Variants in INSYN2A observed in about 807,000 individuals in gnomAD.
The protein encoded by INSYN2A is inhibitory synaptic factor 2A.
A neutral mutation model predicts 39.4 loss-of-function variants in INSYN2A; 17 were observed. The observed-to-expected ratio is 0.43, with a 90% confidence interval of 0.30 to 0.65. INSYN2A has a LOEUF of 0.65. Among genes scored for constraint, INSYN2A ranks in the 30% least tolerant of loss-of-function variants. The probability of loss-of-function intolerance (pLI) is 0.14; values close to 1 mark genes in which losing one functional copy is unlikely to be tolerated. For synonymous variants in INSYN2A, 255 were observed against 265.7 expected (o/e 0.96, Z 0.39); for missense variants, 595 against 631.2 (o/e 0.94, Z 0.61).
Position 127,175,248 on chromosome 10 carries a change from A to G in INSYN2A, c.1148T>C (p.Ile383Thr), listed in dbSNP as rs1302599397. The G allele has an allele frequency of 6.2e-7, 1 of 1,614,068 alleles. No individual in the cohort carries two copies. Among genetic ancestry groups the G allele is most frequent in the Non-Finnish European group, 8.5e-7 (1 of 1,180,002 alleles). ...GGCCTCTCCTTTTTCCAACTCCTGAATGACCCCCAAGAGCACTTTGATGGT... is the reference window on the plus strand; with the variant it reads ...GGCCTCTCCTTTTTCCAACTCCTGAGTGACCCCCAAGAGCACTTTGATGGT... ...QETIKVLLGV[I>T]QELEKGEAHR... Residue 383 changes from isoleucine to threonine, a missense_variant, in exon 4 of 6, where the codon ATT becomes ACT. Ile to Thr is a moderately conservative substitution (Grantham distance 89). Around this residue, in one of 2 missense-constraint regions of INSYN2A, gnomAD observed 117 missense variants for 163.8 expected, o/e 0.71. Coordinates refer to ENST00000522781, the MANE Select transcript of INSYN2A (RefSeq NM_001039762.3). This position sits in a 1 kb window ranked among gnomAD's most constrained non-coding sequence, Gnocchi z 6.3.
At chr10:127,181,664 T>C (rs1223496663) in intron 2 of INSYN2A, among the ~76,000 whole-genome samples, 2 of 152,180 alleles carry the variant, frequency 1.3e-5, no homozygotes, top group Admixed American at 6.5e-5. Context: ...TTTTCTTCCA[T>C]ATGCCAAGGG....
intron 5 of INSYN2A, among the ~76,000 whole-genome samples, chr10:127,141,245 A>G (rs1306995482): frequency 1.3e-5 from 2 of 152,164 alleles, no homozygotes; most frequent in Non-Finnish European, 2.9e-5. Flanking sequence ...TTCCCATATT[A>G]CTTGCCTTCA....
chr10:127,182,416 GGCTTGGT>G (rs1363764334), intron 2 of INSYN2A, among the ~76,000 whole-genome samples: 9 of 152,084 alleles, frequency 5.9e-5, no homozygotes, highest in Non-Finnish European at 1.3e-4. Context: ...GCATGCTTGG[GGCTTGGT>G]GCTTGGTGCT....
At chr10:127,142,063 A>G (rs1247397261) in intron 5 of INSYN2A, among the ~76,000 whole-genome samples, 1 of 152,170 alleles carries the variant, frequency 6.6e-6, no homozygotes, top group East Asian at 1.9e-4. Flanking sequence ...TCGCTGTGCT[A>G]AGGGGAGCGT....
chr10:127,182,685 T>TA (rs2055850222), intron 2 of INSYN2A, among the ~76,000 whole-genome samples: 1 of 152,176 alleles, frequency 6.6e-6, no homozygotes, highest in Admixed American at 6.5e-5. Context: ...TGCCAGCTAA[T>TA]AATGGCCAAA....
rs1410061328 is a variant in INSYN2A at position 127,192,712 on chromosome 10, T to C, written c.-376A>G. 4 of 152,186 alleles carry C rather than the reference T, an allele frequency of 2.6e-5. No individual in the cohort carries two copies. The highest frequency in any genetic ancestry group is 4.4e-5 in the Non-Finnish European group (3 of 68,034). The allele number at this position is 152,186 out of a possible 1,614,324, so 9.4% of individuals were successfully genotyped here. On this transcript the variant is annotated 5_prime_UTR_variant, in exon 2 of 6. Coordinates refer to ENST00000522781, the MANE Select transcript of INSYN2A (RefSeq NM_001039762.3). The stretch of plus-strand genomic sequence containing the variant: ...GATCCTTGGTTGCCTGGAGATACCT[T>C]AGTTAGTGCCTTCAGGATCTGAAAC...
chr10:127,189,738 C>T (rs1384268143), intron 2 of INSYN2A, among the ~76,000 whole-genome samples: 1 of 152,146 alleles, frequency 6.6e-6, no homozygotes, highest in Non-Finnish European at 1.5e-5. Context: ...TCACACAGTA[C>T]GTTTGCACAT....
rs571293804 is a variant in INSYN2A, at chr10:127,163,334, C to T, written c.1185-9411G>A. On this transcript the variant is annotated intron_variant, in intron 4 of 5. Transcript: ENST00000522781. ...CCTCCCTCCCTGCTTGAGACTTCTC[C>T]GCCACATTTATCGCCATGGAGTATA... Among the ~76,000 whole-genome samples, 7 of 152,116 alleles carry T rather than the reference C, an allele frequency of 4.6e-5. No individual in the cohort carries two copies. In the East Asian group the frequency reaches 5.8e-4, roughly 13 times the overall value.
At position 127,137,262 on chromosome 10, in the gene INSYN2A, C is replaced by T. The variant is rs1252059330; in HGVS notation, c.*575G>A. On this transcript the variant is annotated 3_prime_UTR_variant, in exon 6 of 6. Transcript: ENST00000522781. Reference sequence around the variant, plus strand: ...GGTCACTTGGCTTAGCGCTATAGCACATGAAGGCAAATATACATATAGTCA... The same window carrying T: ...GGTCACTTGGCTTAGCGCTATAGCATATGAAGGCAAATATACATATAGTCA... The T allele has an allele frequency of 6.6e-6, 1 of 152,624 alleles. No individual in the cohort carries two copies. The highest frequency in any genetic ancestry group is 2.4e-5 in the African/African-American group (1 of 41,428). The allele number at this position is 152,624 out of a possible 1,614,324, so 9.5% of individuals were successfully genotyped here.
chr10:127,156,768 A>G (rs944932804), intron 4 of INSYN2A, among the ~76,000 whole-genome samples: 1 of 151,738 alleles, frequency 6.6e-6, no homozygotes, highest in Non-Finnish European at 1.5e-5. Flanking sequence ...GGGTTTCTCT[A>G]TGTTGGTCAG....
At chr10:127,141,133 T>C (rs2051201074) in intron 5 of INSYN2A, among the ~76,000 whole-genome samples, 1 of 152,198 alleles carries the variant, frequency 6.6e-6, no homozygotes, top group Non-Finnish European at 1.5e-5. Context: ...GCCCACTGTT[T>C]CTCAGGTCCA....
intron 5 of INSYN2A, among the ~76,000 whole-genome samples, chr10:127,144,690 A>G (rs1257368100): frequency 6.6e-6 from 1 of 152,218 alleles, no homozygotes; most frequent in Non-Finnish European, 1.5e-5. Context: ...ATATATATGG[A>G]TCTCATCCTA....
chr10:127,175,548 G>A lies in INSYN2A; in HGVS notation c.848C>T (p.Pro283Leu), dbSNP rs371917458. The A allele has an allele frequency of 4.4e-5, 71 of 1,611,260 alleles. No homozygotes were observed. Among genetic ancestry groups the A allele is most frequent in the East Asian group, 2.5e-4 (11 of 44,870 alleles). Residue 283 changes from proline (P) to leucine (L), a missense_variant, in exon 4 of 6, where the codon CCG (proline) becomes CTG (leucine). This residue lies in a region of INSYN2A where 478 missense variants were observed against 467.4 expected (regional missense o/e 1.02). Coordinates refer to ENST00000522781, the MANE Select transcript of INSYN2A (RefSeq NM_001039762.3). This position sits in a 1 kb window ranked among gnomAD's most constrained non-coding sequence, Gnocchi z 6.3. ...SAAASQWSLC[P>L]ADDERRRATH... ...GGCTCTCCTCCGCTCGTCATCTGCCGGGCAGAGTGACCACTGGCTGGCGGC... is the reference window on the plus strand; with the variant it reads ...GGCTCTCCTCCGCTCGTCATCTGCCAGGCAGAGTGACCACTGGCTGGCGGC...
chr10:127,196,553 G>A lies in INSYN2A; in HGVS notation c.-951C>T, dbSNP rs1589893995. Among the ~76,000 whole-genome samples, 2 of 147,024 alleles carry A rather than the reference G, an allele frequency of 1.4e-5. No individual in the cohort carries two copies. Among genetic ancestry groups the A allele is most frequent in the African/African-American group, 4.9e-5 (2 of 40,718 alleles). Reference sequence around the variant, plus strand: ...GGGCGCCCCAAGCCGCGCGCCTGCCGCCTGTGCGCCCGGCTGGCACCGAGG... The same window carrying A: ...GGGCGCCCCAAGCCGCGCGCCTGCCACCTGTGCGCCCGGCTGGCACCGAGG... On this transcript the variant is annotated 5_prime_UTR_variant, in exon 1 of 6. Transcript: ENST00000522781.
At chr10:127,172,416 CTG>C (rs2054659052) in intron 4 of INSYN2A, among the ~76,000 whole-genome samples, 1 of 152,178 alleles carries the variant, frequency 6.6e-6, no homozygotes, top group African/African-American at 2.4e-5. Flanking sequence ...TCCTGGGACT[CTG>C]TGCTGTACCC....
Position 127,174,354 on chromosome 10 carries a change from C to T in INSYN2A, c.1184+858G>A, listed in dbSNP as rs571187678. ...CAGGCGAAGTCCGATAACCCCCAGA[C>T]CCAGAGTAGAACAGGCTGCTTTGTA... On this transcript the variant is annotated intron_variant, in intron 4 of 5. Transcript: ENST00000522781. Among the ~76,000 whole-genome samples the T allele has an allele frequency of 1.8e-4, 27 of 152,278 alleles. No individual in the cohort carries two copies. In the East Asian group the frequency reaches 5.2e-3, roughly 29 times the overall value.
intron 4 of INSYN2A, among the ~76,000 whole-genome samples, chr10:127,154,356 C>T (rs1239904054): frequency 1.3e-5 from 2 of 152,192 alleles, no homozygotes; most frequent in Non-Finnish European, 2.9e-5. Context: ...CCAAATCCCG[C>T]CGGGGCCTGG....
At chr10:127,154,591 T>C (rs772927974) in intron 4 of INSYN2A, among the ~76,000 whole-genome samples, 2 of 152,216 alleles carry the variant, frequency 1.3e-5, no homozygotes, top group African/African-American at 2.4e-5. Context: ...GAACATTTAC[T>C]CTCTGGCTCT....
chr10:127,176,144 G>T lies in INSYN2A; in HGVS notation c.252C>A (p.Tyr84Ter). Residue 84 changes from tyrosine to a stop codon, truncating the protein, a stop_gained, in exon 4 of 6, where the codon TAC (tyrosine) becomes TAA (stop). Transcript: ENST00000522781. LOFTEE classifies it high-confidence loss of function. The surrounding 1 kb of genome is among the most constrained non-coding windows in gnomAD (Gnocchi z 4.4). ...GTGCGGGCACTGTCATGTATTTGCG[G>T]TAGGCTGCTCTGCAGGACACGGGCT... ...EAKPVSCRAAYRKYMTVPARR... is the reference protein window; with the variant it reads ...EAKPVSCRAA 1 of 1,614,154 alleles carries T rather than the reference G, an allele frequency of 6.2e-7. No homozygotes were observed. Among genetic ancestry groups the T allele is most frequent in the Non-Finnish European group, 8.5e-7 (1 of 1,180,036 alleles).
Sources: allele counts gnomAD v4.1 joint callset (sites outside exome capture counted in the v4.1 genomes callset), GRCh38; gene constraint gnomAD v4.1.1; regional missense constraint gnomAD v4.1.1; non-coding constraint Gnocchi (gnomAD v3.1); transcripts MANE v1.5; gene names NCBI Gene and HGNC (gene_info 2026-07-23, HGNC 2026-07-21).